Variants in AOAH observed in about 807,000 individuals in gnomAD.
The protein encoded by AOAH is acyloxyacyl hydrolase.
A neutral mutation model predicts 92.2 loss-of-function variants in AOAH; 64 were observed. The ratio of observed to expected loss-of-function variants is 0.69; its 90% CI spans 0.57 to 0.86. The LOEUF (loss-of-function observed/expected upper bound fraction) is 0.86, where lower values mean the gene tolerates loss of function less well. Among genes scored for constraint, AOAH ranks in the 40% least tolerant of loss-of-function variants. The pLI is 0.00. For synonymous variants in AOAH, 263 were observed against 254.5 expected, an observed-to-expected ratio of 1.03 and a Z score of -0.32; for missense variants, 656 against 694.6, an observed-to-expected ratio of 0.94 and a Z score of 0.62.
chr7:36,590,047 G>C (rs937577420), intron 12 of AOAH, among the ~76,000 whole-genome samples: 2 of 151,798 alleles, frequency 1.3e-5, no homozygotes, highest in African/African-American at 2.4e-5. Flanking sequence ...CAAACTCCTG[G>C]GCTCAAGCAA....
intron 15 of AOAH, 147 bp downstream of exon 15, chr7:36,548,463 GGT>G: frequency 1.7e-6 from 1 of 596,392 alleles, no homozygotes; most frequent in Non-Finnish European, 2.9e-6. Flanking sequence ...TGGGATTATA[GGT>G]GTGAGCCCCT....
chr7:36,656,289 G>A (rs985432984), intron 4 of AOAH, among the ~76,000 whole-genome samples: 3 of 152,148 alleles, frequency 2.0e-5, no homozygotes, highest in Non-Finnish European at 2.9e-5. Flanking sequence ...TATACCGCGC[G>A]AGGCCTTTGA....
In AOAH at chr7:36,540,319, C is replaced by A; in HGVS notation, c.1306G>T (p.Gly436Cys). The change falls in exon 16 of 21, where the codon GGC becomes TGC. Residue 436 changes from glycine (G) to cysteine (C), a missense_variant and splice_region_variant. Physicochemically the swap from Gly to Cys is radical, Grantham distance 159. Transcript: ENST00000617537. ...DNLHNRYHPL[G>C]QLNKDMTYAQ... Reference sequence around the variant, plus strand: ...AGTAAAAGAATCTTCAAACTGATACCGAGAGGATGATATCTGTTGTGCAAA... The same window carrying A: ...AGTAAAAGAATCTTCAAACTGATACAGAGAGGATGATATCTGTTGTGCAAA... 1 of 1,608,466 alleles carries A rather than the reference C, an allele frequency of 6.2e-7. No individual in the cohort carries two copies. Among genetic ancestry groups the A allele is most frequent in the South Asian group, 1.1e-5 (1 of 90,262 alleles).
At chr7:36,636,234 T>C (rs974272742) in intron 5 of AOAH, among the ~76,000 whole-genome samples, 1 of 152,238 alleles carries the variant, frequency 6.6e-6, no homozygotes, top group African/African-American at 2.4e-5. Context: ...AGCAAATAAA[T>C]TGGTGGAGGT....
intron 4 of AOAH, among the ~76,000 whole-genome samples, chr7:36,650,158 T>C (rs1338271671): frequency 4.5e-5 from 3 of 66,668 alleles, no homozygotes; most frequent in South Asian, 4.7e-4. Flanking sequence ...GTCTTGGAAG[T>C]GGCCCACCAC....
At chr7:36,634,788 C>T (rs1372953414) in intron 5 of AOAH, among the ~76,000 whole-genome samples, 5 of 152,198 alleles carry the variant, frequency 3.3e-5, no homozygotes, top group Admixed American at 1.3e-4. Context: ...GATTTTAACA[C>T]TGGTAATAGC....
At chr7:36,690,176 G>T (rs1797302319) in intron 1 of AOAH, 2 of 454,170 alleles carry the variant, frequency 4.4e-6, no homozygotes, top group Non-Finnish European at 8.8e-6. Flanking sequence ...TCTCAGCACT[G>T]CTGGCTAAAA....
chr7:36,532,018 G>T (rs1784723457), intron 18 of AOAH, 129 bp downstream of exon 18: 3 of 1,112,140 alleles, frequency 2.7e-6, no homozygotes, highest in Non-Finnish European at 4.0e-6. Flanking sequence ...CACCTGGAAG[G>T]TTTGATTTTG....
At chr7:36,522,491 A>G (rs1337661506) in intron 19 of AOAH, among the ~76,000 whole-genome samples, 2 of 152,196 alleles carry the variant, frequency 1.3e-5, no homozygotes, top group Admixed American at 6.5e-5. Context: ...ATCCCCTTTC[A>G]TGGGTTGCCA....
intron 1 of AOAH, among the ~76,000 whole-genome samples, chr7:36,702,108 A>C (rs1176632946): frequency 1.3e-5 from 2 of 152,168 alleles, no homozygotes; most frequent in Admixed American, 1.3e-4. Flanking sequence ...TTATATCTAT[A>C]AGTGTTATAA....
intron 4 of AOAH, among the ~76,000 whole-genome samples, chr7:36,655,778 C>T (rs1285684677): frequency 6.6e-6 from 1 of 152,070 alleles, no homozygotes; most frequent in Non-Finnish European, 1.5e-5. Context: ...TGTGAGGCAC[C>T]GTCCTAGACA....
At chr7:36,595,971 C>T (rs56057423) in intron 11 of AOAH, among the ~76,000 whole-genome samples, 28,115 of 152,116 alleles carry the variant, frequency 0.18, 2,713 homozygotes, top group East Asian at 0.23. Flanking sequence ...TGGCACATGC[C>T]CCTGGCCTCC....
intron 2 of AOAH, among the ~76,000 whole-genome samples, chr7:36,675,369 G>C (rs992577274): frequency 6.6e-6 from 1 of 152,176 alleles, no homozygotes; most frequent in African/African-American, 2.4e-5. Flanking sequence ...TTATGAACAG[G>C]TGCATGGCAA....
chr7:36,680,870 A>G (rs1334759738), intron 2 of AOAH, among the ~76,000 whole-genome samples: 1 of 152,186 alleles, frequency 6.6e-6, no homozygotes, highest in Admixed American at 6.5e-5. Flanking sequence ...ACCGGTTTCC[A>G]CTTCACCAGA....
intron 2 of AOAH, among the ~76,000 whole-genome samples, chr7:36,675,883 AC>A (rs1441545507): frequency 2.6e-5 from 4 of 152,202 alleles, no homozygotes; most frequent in Non-Finnish European, 5.9e-5. Flanking sequence ...CATAAAAAAA[AC>A]CATATGATTA....
intron 1 of AOAH, among the ~76,000 whole-genome samples, chr7:36,717,269 G>A (rs1403401131): frequency 6.6e-6 from 1 of 152,048 alleles, no homozygotes; most frequent in Non-Finnish European, 1.5e-5. Context: ...TTCAGTGAGG[G>A]CTCCTTTTAG....
chr7:36,610,179 A>G (rs1048866735), intron 11 of AOAH, among the ~76,000 whole-genome samples: 2 of 149,618 alleles, frequency 1.3e-5, no homozygotes, highest in African/African-American at 4.9e-5. Context: ...AAAAAAAAAA[A>G]AGAATCGGTT....
chr7:36,631,175 G>T (rs899026771), intron 6 of AOAH, among the ~76,000 whole-genome samples: 1 of 152,004 alleles, frequency 6.6e-6, no homozygotes, highest in Non-Finnish European at 1.5e-5. Flanking sequence ...GTGAAACCCC[G>T]TCTCTACTAA....
In AOAH at chr7:36,536,949, CAAAAAAAAAAAAA is replaced by C. The variant is rs11441171; in HGVS notation, c.1306+3357_1306+3369del. Among the ~76,000 whole-genome samples the C allele has an allele frequency of 1.2e-3, 57 of 47,464 alleles. 1 individual carries two copies. The highest frequency in any genetic ancestry group is 7.1e-3 in the South Asian group (5 of 700). The allele number at this position is 47,464 out of a possible 152,430, so 31.1% of individuals were successfully genotyped here. On this transcript the variant is annotated intron_variant, in intron 16 of 20. Transcript: ENST00000617537. ...TGGGTGACATAGTGAGACTTCATCT[CAAAAAAAAAAAAA>C]AAAAAAAAAAAAAAGAATCACACCT...
Sources: allele counts gnomAD v4.1 joint callset (sites outside exome capture counted in the v4.1 genomes callset), GRCh38; gene constraint gnomAD v4.1.1; transcripts MANE v1.5; gene names NCBI Gene and HGNC (gene_info 2026-07-23, HGNC 2026-07-21).